FN1: variants seen among roughly 807,000 people sequenced by gnomAD.
The protein encoded by FN1 is fibronectin.
In FN1, 106 loss-of-function variants were observed where a neutral mutation model predicts 297.3. That is an observed-to-expected ratio of 0.36 (90% confidence interval 0.30 to 0.42). The LOEUF (loss-of-function observed/expected upper bound fraction) is 0.42, where lower values mean the gene tolerates loss of function less well. FN1 is among the 10% of genes least tolerant of loss of function. The pLI is 1.00. For missense variants in FN1, 2,690 were observed against 3,124.9 expected (o/e 0.86, Z 3.32); for synonymous variants, 1,149 against 1,152.6 (o/e 1.00, Z 0.06).
chr2:215,382,223 G>C lies in FN1; in HGVS notation c.5153C>G (p.Thr1718Ser). Residue 1718 changes from threonine (T) to serine (S), a missense_variant, in exon 32 of 46, where the codon ACT becomes AGT. Thr to Ser is a moderately conservative substitution (Grantham distance 58, BLOSUM62 1). This residue lies in a region of FN1 where 1,743 missense variants were observed against 1,945.2 expected (regional missense o/e 0.90). Coordinates refer to ENST00000354785, the MANE Select transcript of FN1 (RefSeq NM_212482.4). ...CAGTGGTTACGTACTGGTTACTGCA[G>C]TCTGAACCAGAGGCTGACTCTCTCC... ...PSGESQPLVQ[T>S]AVTNIDRPKG... 6.2e-7 allele frequency: 1 copy of C among 1,611,680 alleles called. No homozygotes were observed. Among genetic ancestry groups the C allele is most frequent in the African/African-American group, 1.3e-5 (1 of 74,886 alleles).
At chr2:215,370,686 A>G (rs748240949) in intron 40 of FN1, among the ~76,000 whole-genome samples, 3 of 152,004 alleles carry the variant, frequency 2.0e-5, no homozygotes, top group Non-Finnish European at 4.4e-5. Context: ...AGTTAACAGG[A>G]GCCCTCGACA....
intron 36 of FN1, among the ~76,000 whole-genome samples, chr2:215,376,181 C>G (rs1286080897): frequency 1.3e-5 from 2 of 152,194 alleles, no homozygotes; most frequent in Non-Finnish European, 2.9e-5. Flanking sequence ...ATGCTAAGAT[C>G]TATACATCAC....
intron 38 of FN1, 43 bp downstream of exon 38, chr2:215,375,171 C>T (rs1229933794): frequency 6.3e-7 from 1 of 1,589,716 alleles, no homozygotes; most frequent in Non-Finnish European, 8.6e-7. Context: ...TTCATGTGTC[C>T]TAGGTAGTAA....
chr2:215,430,298 G>A (rs1575866549), intron 5 of FN1, among the ~76,000 whole-genome samples: 1 of 152,194 alleles, frequency 6.6e-6, no homozygotes, highest in Non-Finnish European at 1.5e-5. Flanking sequence ...GACACCAGAG[G>A]CCAGCTTCTT....
chr2:215,431,047 G>C (rs554537453), intron 4 of FN1, among the ~76,000 whole-genome samples, 195 bp from the exon 5 acceptor site: 1 of 152,236 alleles, frequency 6.6e-6, no homozygotes, highest in African/African-American at 2.4e-5. Context: ...CTCAAGCTGA[G>C]TTGGCAGGCA....
chr2:215,380,231 G>A (rs1308348345), intron 33 of FN1: 2 of 155,762 alleles, frequency 1.3e-5, no homozygotes, highest in Non-Finnish European at 2.8e-5. Context: ...TAGGGTTTAT[G>A]CTGTCACTAG....
At chr2:215,370,043 C>T (rs1304368336) in intron 41 of FN1, among the ~76,000 whole-genome samples, 3 of 152,150 alleles carry the variant, frequency 2.0e-5, no homozygotes, top group African/African-American at 7.2e-5. Flanking sequence ...GAAATCCCTT[C>T]CAGATCTATA....
At position 215,424,143 on chromosome 2, in the gene FN1, C is replaced by T. The variant is rs764886819; in HGVS notation, c.1216+3G>A. ...TTCTGTGGCTCCCCCTTGGGACACT[C>T]ACCAGTGTGGTCTGTGCAGAAAGAG... On this transcript the variant is annotated splice_donor_region_variant and intron_variant, in intron 8 of 45. Transcript: ENST00000354785. The T allele has an allele frequency of 2.6e-5, 42 of 1,613,860 alleles. No individual in the cohort carries two copies. Among genetic ancestry groups the T allele is most frequent in the Non-Finnish European group, 3.3e-5 (39 of 1,179,896 alleles).
At chr2:215,381,611 T>C in intron 32 of FN1, 1 of 204,046 alleles carries the variant, frequency 4.9e-6, no homozygotes, top group East Asian at 1.3e-4. Flanking sequence ...GTAGCTGGGA[T>C]TACAGGCACG....
At position 215,361,551 on chromosome 2, in the gene FN1, T is replaced by C. The variant is rs767405638; in HGVS notation, c.*4A>G. 4.4e-5 allele frequency: 70 copies of C among 1,593,906 alleles called. No homozygotes were observed. Among genetic ancestry groups the C allele is most frequent in the Middle Eastern group, 3.3e-4 (2 of 6,022 alleles). ...TGCTTGTTCCTCTGGATTGGAAAGA[T>C]GATTTACTCTCGGGAATCTTCTCTG... is the stretch of plus-strand genomic sequence containing the variant. On this transcript the variant is annotated 3_prime_UTR_variant, in exon 46 of 46. Transcript: ENST00000354785.
Position 215,391,833 on chromosome 2 carries a change from G to C in FN1, c.4070-19C>G, listed in dbSNP as rs1054754870. 6.2e-7 allele frequency: 1 copy of C among 1,611,754 alleles called. No homozygotes were observed. Among genetic ancestry groups the C allele is most frequent in the Admixed American group, 1.7e-5 (1 of 60,016 alleles). ...GGAACAGCTGGTTTCGAACAAGAAG[G>C]AAGACTCAGTTAATGTAATTTTAAA... On this transcript the variant is annotated intron_variant, in intron 25 of 45. Transcript: ENST00000354785.
chr2:215,399,477 A>AT (rs2060729491), intron 20 of FN1, 126 bp from the exon 21 acceptor site: 2 of 696,348 alleles, frequency 2.9e-6, no homozygotes, highest in Non-Finnish European at 5.2e-6. Flanking sequence ...GATGTAACAT[A>AT]TTTTTTCATT....
chr2:215,434,147 C>T (rs2067030694), intron 2 of FN1, among the ~76,000 whole-genome samples: 1 of 152,112 alleles, frequency 6.6e-6, no homozygotes, highest in Non-Finnish European at 1.5e-5. Context: ...AAGATCCCCA[C>T]CTCCCACAAG....
chr2:215,378,020 T>A (rs565651386), intron 35 of FN1, among the ~76,000 whole-genome samples, 155 bp downstream of exon 35: 1 of 152,260 alleles, frequency 6.6e-6, no homozygotes, highest in South Asian at 2.1e-4. Flanking sequence ...TTTGCCCGGG[T>A]AGGTCTCAAA....
At chr2:215,412,758 A>ATTTTTT (rs1267705576) in intron 13 of FN1, among the ~76,000 whole-genome samples, 4 of 51,964 alleles carry the variant, frequency 7.7e-5, no homozygotes, top group African/African-American at 1.4e-4. Flanking sequence ...TATATTAAGT[A>ATTTTTT]TCTTTTTTTT....
chr2:215,426,153 T>C (rs1305225240), intron 6 of FN1, among the ~76,000 whole-genome samples: 1,148 of 82,598 alleles, frequency 0.014, 13 homozygotes, highest in African/African-American at 0.05. Flanking sequence ...CTTTTTTTTT[T>C]TTTTTTTTTT....
At chr2:215,385,782 T>C (rs1402822635) in intron 28 of FN1, among the ~76,000 whole-genome samples, 7 of 146,142 alleles carry the variant, frequency 4.8e-5, no homozygotes, top group African/African-American at 5.0e-5. Flanking sequence ...TTCCACCTTT[T>C]TTTTTTTTTT....
At chr2:215,395,539 C>CAAA (rs5838509) in intron 23 of FN1, among the ~76,000 whole-genome samples, 19 of 134,886 alleles carry the variant, frequency 1.4e-4, no homozygotes, top group African/African-American at 4.3e-4. Context: ...GACTCTGTCT[C>CAAA]AAAAAAAAAA....
intron 5 of FN1, among the ~76,000 whole-genome samples, chr2:215,428,840 G>A (rs1358096053): frequency 3.3e-5 from 5 of 151,970 alleles, no homozygotes; most frequent in Non-Finnish European, 7.4e-5. Context: ...TGAAACCCCC[G>A]TCTCTACTAA....
Sources: allele counts gnomAD v4.1 joint callset (sites outside exome capture counted in the v4.1 genomes callset), GRCh38; gene constraint gnomAD v4.1.1; regional missense constraint gnomAD v4.1.1; transcripts MANE v1.5; gene names NCBI Gene and HGNC (gene_info 2026-07-23, HGNC 2026-07-21).